COL20A1: variants seen among roughly 807,000 people sequenced by gnomAD.
COL20A1 encodes collagen alpha-1(XX) chain.
COL20A1 carries 164 observed loss-of-function variants against 152.9 expected under a neutral mutation model. That is an observed-to-expected ratio of 1.07 (90% confidence interval 0.94 to 1.22). The LOEUF is 1.22. Among genes scored for constraint, COL20A1 ranks in the 50% most tolerant of loss-of-function variants. The pLI is 0.00. For synonymous variants in COL20A1, 864 were observed against 756.0 expected (o/e 1.14, Z -2.34); for missense variants, 1,873 against 1,744.8 (o/e 1.07, Z -1.31).
At position 63,325,713 on chromosome 20, in the gene COL20A1, G is replaced by C; in HGVS notation, c.3394G>C (p.Gly1132Arg). ...CATCCCCGGGAGAGTTGGCCTCCAG[G>C]GACCAAAGGTGCCGGCTCTGGGCTT... ...QGIPGRVGLQ[G>R]PKGMRGLEGT... Residue 1132 changes from glycine to arginine, a missense_variant, in exon 29 of 36, where the codon GGA becomes CGA. Gly to Arg is a moderately radical substitution (Grantham distance 125). Coordinates refer to ENST00000358894, the MANE Select transcript of COL20A1 (RefSeq NM_020882.4). 6.2e-7 allele frequency: 1 copy of C among 1,611,958 alleles called. No individual in the cohort carries two copies. Among genetic ancestry groups the C allele is most frequent in the Non-Finnish European group, 8.5e-7 (1 of 1,179,496 alleles).
intron 21 of COL20A1, 130 bp downstream of exon 21, chr20:63,316,821 T>C: frequency 1.2e-6 from 1 of 858,714 alleles, no homozygotes. Context: ...AGCGCTGCTA[T>C]GTCAGCAAAC....
Position 63,311,747 on chromosome 20 carries a change from C to T in COL20A1, c.1662C>T (p.Thr554=), listed in dbSNP as rs771703902. ...GSEARGIRAR[T]PTLAPPRHLG... is the part of the protein sequence containing the mutation. Reference sequence around the variant, plus strand: ...AGGCCCGGGGCATCCGTGCCAGGACCCGTGAGTGCTCCAACCCCGGCTGCC... The same window carrying T: ...AGGCCCGGGGCATCCGTGCCAGGACTCGTGAGTGCTCCAACCCCGGCTGCC... The change falls in exon 13 of 36, where the codon ACC becomes ACT. Residue 554 remains threonine (T), a splice_region_variant and synonymous_variant. Coordinates refer to ENST00000358894, the MANE Select transcript of COL20A1 (RefSeq NM_020882.4). This position sits in a 1 kb window ranked among gnomAD's most constrained non-coding sequence, Gnocchi z 4.4. The T allele has an allele frequency of 3.8e-5, 61 of 1,590,054 alleles. No homozygotes were observed. The highest frequency in any genetic ancestry group is 5.2e-5 in the Admixed American group (3 of 58,066).
chr20:63,326,930 C>T (rs1308620941), intron 31 of COL20A1, 107 bp downstream of exon 31: 1 of 710,622 alleles, frequency 1.4e-6, no homozygotes, highest in Non-Finnish European at 2.2e-6. Flanking sequence ...TCAGGGACTT[C>T]CTACTGACCA....
At chr20:63,328,833 C>T (rs183941166) in intron 34 of COL20A1, among the ~76,000 whole-genome samples, 1,657 of 118,368 alleles carry the variant, frequency 0.014, 42 homozygotes, top group African/African-American at 0.05. Flanking sequence ...GCCCTCCTGT[C>T]CTCCTTGTCC....
chr20:63,314,561 A>C (rs1415553827), intron 19 of COL20A1, among the ~76,000 whole-genome samples: 3 of 152,098 alleles, frequency 2.0e-5, no homozygotes, highest in South Asian at 2.1e-4. Context: ...TGGGCTTCCC[A>C]TTGTGGGGTC....
chr20:63,331,119 C>T lies in COL20A1; in HGVS notation c.*403C>T, dbSNP rs530045286. 1 of 152,464 alleles carries T rather than the reference C, an allele frequency of 6.6e-6. No homozygotes were observed. Among genetic ancestry groups the T allele is most frequent in the Admixed American group, 6.5e-5 (1 of 15,306 alleles). The allele number at this position is 152,464 out of a possible 1,614,324, so 9.4% of individuals were successfully genotyped here. On this transcript the variant is annotated 3_prime_UTR_variant, in exon 36 of 36. Transcript: ENST00000358894. ...AGTAGCTCTAAAACAGGCTCAACAA[C>T]ATGCCCCGCCCCTTTCTCTGGGCCT...
intron 9 of COL20A1, 68 bp downstream of exon 9, chr20:63,309,565 C>A (rs1376673690): frequency 2.9e-6 from 4 of 1,384,948 alleles, no homozygotes; most frequent in Middle Eastern, 2.6e-4. Context: ...GTTGGGGGGA[C>A]GCTGTGGCTC....
intron 1 of COL20A1, among the ~76,000 whole-genome samples, chr20:63,294,837 C>G (rs1015239706): frequency 6.6e-6 from 1 of 152,218 alleles, no homozygotes; most frequent in Non-Finnish European, 1.5e-5. Context: ...CAGAGCAGCC[C>G]CCGGTGGTGT....
intron 35 of COL20A1, 142 bp downstream of exon 35, chr20:63,329,803 G>C: frequency 1.6e-6 from 1 of 626,480 alleles, no homozygotes; most frequent in Non-Finnish European, 2.7e-6. Flanking sequence ...CAGGCGAGGT[G>C]GCCCTGGGGA....
chr20:63,317,906 G>A (rs1340863943), intron 21 of COL20A1, among the ~76,000 whole-genome samples: 3 of 152,116 alleles, frequency 2.0e-5, no homozygotes, highest in East Asian at 1.9e-4. Flanking sequence ...TCAGGTGCAC[G>A]TACTGAGCTG....
At chr20:63,330,263 C>A (rs1311087082) in intron 35 of COL20A1, among the ~76,000 whole-genome samples, 1 of 152,104 alleles carries the variant, frequency 6.6e-6, no homozygotes, top group Non-Finnish European at 1.5e-5. Flanking sequence ...GGGTACAGCA[C>A]AACTCCGGCC....
At position 63,308,652 on chromosome 20, in the gene COL20A1, G is replaced by C. The variant is rs758363929; in HGVS notation, c.886G>C (p.Val296Leu). The change falls in exon 8 of 36, where the codon GTG becomes CTG. Residue 296 changes from valine (V) to leucine (L), a missense_variant. Val to Leu is a conservative substitution (Grantham distance 32, BLOSUM62 1). Transcript: ENST00000358894. ...LVTDGKSQDD[V>L]HTAARVLKDL... ...GACGGACGGCAAGTCCCAGGACGAT[G>C]TGCACACTGCTGCCCGTGTCCTCAA... The C allele has an allele frequency of 1.9e-6, 3 of 1,607,898 alleles. No homozygotes were observed. Among genetic ancestry groups the C allele is most frequent in the Non-Finnish European group, 2.5e-6 (3 of 1,177,844 alleles).
chr20:63,297,865 TG>T, intron 2 of COL20A1, 44 bp from the exon 3 acceptor site: 1 of 1,470,214 alleles, frequency 6.8e-7, no homozygotes, highest in Non-Finnish European at 9.5e-7. Flanking sequence ...ATTAGGTGGA[TG>T]GGGAGGCCAG....
chr20:63,322,360 A>G (rs1198153430), intron 27 of COL20A1, among the ~76,000 whole-genome samples: 1 of 152,026 alleles, frequency 6.6e-6, no homozygotes, highest in Non-Finnish European at 1.5e-5. Context: ...TCCCCTTTTC[A>G]CCCAGATAGG....
chr20:63,320,571 G>T (rs1258987393), intron 25 of COL20A1, among the ~76,000 whole-genome samples: 1 of 152,212 alleles, frequency 6.6e-6, no homozygotes, highest in Non-Finnish European at 1.5e-5. Context: ...CCTGGGGCAG[G>T]CTGGGAACCC....
chr20:63,310,630 T>C, intron 11 of COL20A1, 120 bp downstream of exon 11: 1 of 1,120,868 alleles, frequency 8.9e-7, no homozygotes, highest in Non-Finnish European at 1.2e-6. Context: ...CCACCCACAG[T>C]TGGCACCATC....
At chr20:63,293,359 G>A (rs548504850) in intron 1 of COL20A1, 84 bp downstream of exon 1, 2 of 152,280 alleles carry the variant, frequency 1.3e-5, no homozygotes, top group Admixed American at 1.3e-4. Flanking sequence ...GAGGGTGACT[G>A]ACTTTCAGAA....
intron 21 of COL20A1, among the ~76,000 whole-genome samples, chr20:63,317,742 G>A (rs2068103505): frequency 6.6e-6 from 1 of 151,158 alleles, no homozygotes; most frequent in Admixed American, 6.6e-5. Context: ...TGCTGCACAT[G>A]CCCCCTGTGC....
chr20:63,309,283 C>A, intron 8 of COL20A1, 50 bp from the exon 9 acceptor site: 1 of 1,362,240 alleles, frequency 7.3e-7, no homozygotes, highest in Non-Finnish European at 9.6e-7. Flanking sequence ...CAGGTGGCCC[C>A]GTCGGGTGAC....
Sources: allele counts gnomAD v4.1 joint callset (sites outside exome capture counted in the v4.1 genomes callset), GRCh38; gene constraint gnomAD v4.1.1; non-coding constraint Gnocchi (gnomAD v3.1); transcripts MANE v1.5; gene names NCBI Gene and HGNC (gene_info 2026-07-23, HGNC 2026-07-21).